Variants in ZNF804A observed in about 807,000 individuals in gnomAD.
ZNF804A encodes the protein zinc finger protein 804A.
Under a neutral mutation model 16.5 loss-of-function variants are expected in ZNF804A, and 2 were observed. The ratio of observed to expected loss-of-function variants is 0.12; its 90% CI spans 0.05 to 0.38. The LOEUF is 0.38. Among genes scored for constraint, ZNF804A ranks in the 10% least tolerant of loss-of-function variants. The pLI is 0.99. For synonymous variants in ZNF804A, 534 were observed against 489.6 expected (o/e 1.09, Z -1.20); for missense variants, 1,473 against 1,390.7 (o/e 1.06, Z -0.94).
At chr2:184,847,762 T>C (rs1412720758) in intron 1 of ZNF804A, among the ~76,000 whole-genome samples, 1 of 152,088 alleles carries the variant, frequency 6.6e-6, no homozygotes, top group African/African-American at 2.4e-5. Context: ...CCTGTACTTC[T>C]GACCATTGGC....
At chr2:184,928,437 C>A (rs1055347981) in intron 2 of ZNF804A, among the ~76,000 whole-genome samples, 1 of 152,012 alleles carries the variant, frequency 6.6e-6, no homozygotes, top group African/African-American at 2.4e-5. Context: ...ATGAAGGGAT[C>A]TTTTAGGAGC....
chr2:184,724,575 T>G (rs1010818371), intron 1 of ZNF804A, among the ~76,000 whole-genome samples: 4 of 151,662 alleles, frequency 2.6e-5, no homozygotes, highest in Non-Finnish European at 3.0e-5. Flanking sequence ...ACTGTATTAT[T>G]AGATCGAGGG....
At chr2:184,679,710 T>A (rs1368317823) in intron 1 of ZNF804A, among the ~76,000 whole-genome samples, 1 of 152,152 alleles carries the variant, frequency 6.6e-6, no homozygotes, top group Non-Finnish European at 1.5e-5. Flanking sequence ...CTCCCTATTG[T>A]CTCAGCATCC....
At chr2:184,722,479 A>G (rs970570537) in intron 1 of ZNF804A, among the ~76,000 whole-genome samples, 2 of 151,988 alleles carry the variant, frequency 1.3e-5, no homozygotes, top group Non-Finnish European at 2.9e-5. Flanking sequence ...TCATTCTGAA[A>G]TTTCATATCT....
At chr2:184,826,429 G>T (rs1051844910) in intron 1 of ZNF804A, among the ~76,000 whole-genome samples, 1 of 151,956 alleles carries the variant, frequency 6.6e-6, no homozygotes, top group South Asian at 2.1e-4. Context: ...CTCTTAGGAG[G>T]TGAATTATTT....
chr2:184,621,747 T>C (rs1400872580), intron 1 of ZNF804A, among the ~76,000 whole-genome samples: 1 of 151,800 alleles, frequency 6.6e-6, no homozygotes, highest in African/African-American at 2.4e-5. Context: ...TGGATATTTG[T>C]GATTATCTTA....
intron 1 of ZNF804A, among the ~76,000 whole-genome samples, chr2:184,613,581 A>C (rs949763153): frequency 6.6e-6 from 1 of 152,318 alleles, no homozygotes. Flanking sequence ...ATTAAAAATT[A>C]ATAAAAAGAA....
intron 1 of ZNF804A, among the ~76,000 whole-genome samples, chr2:184,624,443 A>G (rs1196049870): frequency 3.9e-5 from 6 of 152,274 alleles, no homozygotes; most frequent in Non-Finnish European, 7.4e-5. Flanking sequence ...ATGCACATGC[A>G]TGTCTGCATG....
chr2:184,814,551 C>A (rs1365900229), intron 1 of ZNF804A, among the ~76,000 whole-genome samples: 1 of 152,034 alleles, frequency 6.6e-6, no homozygotes, highest in African/African-American at 2.4e-5. Context: ...ACCTAATTGT[C>A]TCCACATTAT....
At chr2:184,923,786 T>C (rs907743600) in intron 2 of ZNF804A, among the ~76,000 whole-genome samples, 1 of 152,068 alleles carries the variant, frequency 6.6e-6, no homozygotes, top group African/African-American at 2.4e-5. Flanking sequence ...TCAAACACTT[T>C]TTCAGCATCA....
intron 1 of ZNF804A, among the ~76,000 whole-genome samples, chr2:184,634,617 G>A (rs762989910): frequency 3.9e-5 from 6 of 152,112 alleles, no homozygotes; most frequent in Non-Finnish European, 7.3e-5. Flanking sequence ...TGTACTGTTG[G>A]CTCTAATGAT....
intron 3 of ZNF804A, among the ~76,000 whole-genome samples, chr2:184,934,792 C>T (rs1331772136): frequency 6.6e-6 from 1 of 152,032 alleles, no homozygotes; most frequent in African/African-American, 2.4e-5. Flanking sequence ...GTATAAAGCA[C>T]ATATTTTACA....
chr2:184,921,511 G>A (rs535722294), intron 2 of ZNF804A, among the ~76,000 whole-genome samples: 18 of 152,102 alleles, frequency 1.2e-4, no homozygotes, highest in African/African-American at 3.9e-4. Context: ...TGGTGGATAC[G>A]TAGTAGGTAT....
In ZNF804A at chr2:184,881,041, A is replaced by T. The variant is rs767852576; in HGVS notation, c.255+14529A>T. ...ATAAAATAAAATGATACAGTAGATT[A>T]TAGGTGGAATGTCTATTTTAAGAAA... is the stretch of plus-strand genomic sequence containing the variant. On this transcript the variant is annotated intron_variant, in intron 2 of 3. Transcript: ENST00000302277. Among the ~76,000 whole-genome samples the T allele has an allele frequency of 4.9e-4, 74 of 152,082 alleles. 1 individual carries two copies. Among genetic ancestry groups the T allele is most frequent in the Non-Finnish European group, 1.5e-4 (10 of 67,972 alleles).
At chr2:184,884,653 A>G (rs1684858481) in intron 2 of ZNF804A, among the ~76,000 whole-genome samples, 1 of 152,100 alleles carries the variant, frequency 6.6e-6, no homozygotes, top group Non-Finnish European at 1.5e-5. Context: ...AATGCTGCAC[A>G]TGTACAATCA....
intron 1 of ZNF804A, among the ~76,000 whole-genome samples, chr2:184,638,740 G>A (rs1691743151): frequency 1.3e-5 from 2 of 151,798 alleles, no homozygotes; most frequent in Non-Finnish European, 2.9e-5. Flanking sequence ...TATATTTTGT[G>A]AGAAAAAAGA....
intron 2 of ZNF804A, among the ~76,000 whole-genome samples, chr2:184,867,054 T>C (rs1695888155): frequency 6.6e-6 from 1 of 151,880 alleles, no homozygotes. Flanking sequence ...TATCTATGAT[T>C]TTGTTCATTT....
chr2:184,717,361 T>G (rs1693231166), intron 1 of ZNF804A, among the ~76,000 whole-genome samples: 1 of 152,218 alleles, frequency 6.6e-6, no homozygotes, highest in Non-Finnish European at 1.5e-5. Flanking sequence ...GCTGTTGTTT[T>G]GTTGGTTTCA....
At chr2:184,654,155 T>C (rs1692037047) in intron 1 of ZNF804A, among the ~76,000 whole-genome samples, 1 of 152,206 alleles carries the variant, frequency 6.6e-6, no homozygotes, top group African/African-American at 2.4e-5. Context: ...AGATACAGCC[T>C]ATATCTTCAG....
Sources: allele counts gnomAD v4.1 joint callset (sites outside exome capture counted in the v4.1 genomes callset), GRCh38; gene constraint gnomAD v4.1.1; transcripts MANE v1.5; gene names NCBI Gene and HGNC (gene_info 2026-07-23, HGNC 2026-07-21).